MGAT4C: variants seen among roughly 807,000 people sequenced by gnomAD.
MGAT4C encodes MGAT4 family member C, also known as alpha-1,3-mannosyl-glycoprotein 4-beta-N-acetylglucosaminyltransferase C.
Under a neutral mutation model 40.1 loss-of-function variants are expected in MGAT4C, and 19 were observed. That is an observed-to-expected ratio of 0.47 (90% CI 0.33 to 0.70). MGAT4C has a LOEUF of 0.70. MGAT4C is among the 30% of genes least tolerant of loss of function. MGAT4C has a pLI of 0.02. For missense variants in MGAT4C, 491 were observed against 563.2 expected (o/e 0.87, Z 1.30); for synonymous variants, 181 against 187.1 (o/e 0.97, Z 0.27).
chr12:86,827,770 T>C (rs1435988898), intron 1 of MGAT4C, among the ~76,000 whole-genome samples: 1 of 151,468 alleles, frequency 6.6e-6, no homozygotes, highest in Non-Finnish European at 1.5e-5. Context: ...TTTTGCTTTA[T>C]ACACAACTTG....
At chr12:86,352,752 G>T (rs1053773037) in intron 3 of MGAT4C, among the ~76,000 whole-genome samples, 10 of 151,012 alleles carry the variant, frequency 6.6e-5, no homozygotes, top group African/African-American at 2.4e-4. Flanking sequence ...ATATTAATTT[G>T]TTAATAAATC....
chr12:86,700,480 C>T (rs578084687), intron 2 of MGAT4C, among the ~76,000 whole-genome samples: 1 of 152,052 alleles, frequency 6.6e-6, no homozygotes, highest in South Asian at 2.1e-4. Flanking sequence ...TTTTTACAGC[C>T]TTGTGATTGT....
chr12:86,752,932 C>T (rs983100344), intron 1 of MGAT4C, among the ~76,000 whole-genome samples: 3 of 152,020 alleles, frequency 2.0e-5, no homozygotes, highest in Non-Finnish European at 4.4e-5. Flanking sequence ...AAATGTCAAA[C>T]CTGAAACAAT....
chr12:86,137,176 CCTTTCTTAACT>C (rs1327026562), intron 1 of MGAT4C, among the ~76,000 whole-genome samples: 7 of 152,162 alleles, frequency 4.6e-5, no homozygotes, highest in African/African-American at 1.7e-4. Context: ...CATTCATATT[CCTTTCTTAACT>C]CTGTAACCAC....
chr12:85,960,542 C>A lies in MGAT4C; in HGVS notation c.*18747G>T, dbSNP rs1022084183. 7 of 151,844 alleles carry A rather than the reference C, an allele frequency of 4.6e-5. No individual in the cohort carries two copies. The allele number at this position is 151,844 out of a possible 1,614,324, so 9.4% of individuals were successfully genotyped here. A position where few individuals can be genotyped will look rare whatever the true frequency, so the allele number is the denominator to read the frequency against. On this transcript the variant is annotated 3_prime_UTR_variant, in exon 5 of 5. Coordinates refer to ENST00000611864, the MANE Select transcript of MGAT4C (RefSeq NM_001351288.2). ...AATTAATCCTTCATTCTTTTTTTCT[C>A]CCCTTACTCCTTTGATTTTCAGACT...
At chr12:86,763,259 T>C (rs569348953) in intron 1 of MGAT4C, among the ~76,000 whole-genome samples, 1 of 152,230 alleles carries the variant, frequency 6.6e-6, no homozygotes, top group African/African-American at 2.4e-5. Flanking sequence ...ATTATGAATC[T>C]ATTCTGCTAT....
chr12:86,247,047 T>C (rs1952067554), intron 1 of MGAT4C, among the ~76,000 whole-genome samples: 2 of 152,156 alleles, frequency 1.3e-5, no homozygotes, highest in African/African-American at 4.8e-5. Context: ...CTATGATGAG[T>C]CTGTATCTCT....
At chr12:86,631,027 C>T (rs938455500) in intron 2 of MGAT4C, among the ~76,000 whole-genome samples, 3 of 152,148 alleles carry the variant, frequency 2.0e-5, no homozygotes, top group African/African-American at 7.2e-5. Context: ...CCCAAAATCT[C>T]CTTAAGCTGA....
intron 4 of MGAT4C, among the ~76,000 whole-genome samples, chr12:86,325,327 A>G (rs1954500269): frequency 6.6e-6 from 1 of 152,172 alleles, no homozygotes; most frequent in Non-Finnish European, 1.5e-5. Flanking sequence ...ATATTCCAGC[A>G]GCATATCAAA....
At chr12:86,048,589 A>G (rs1220139064) in intron 2 of MGAT4C, among the ~76,000 whole-genome samples, 1 of 152,126 alleles carries the variant, frequency 6.6e-6, no homozygotes, top group African/African-American at 2.4e-5. Flanking sequence ...TAATGAAATG[A>G]TGTGAAAAAA....
In MGAT4C at chr12:86,221,066, C is replaced by T. The variant is rs138403362; in HGVS notation, c.-57+35173G>A. On this transcript the variant is annotated intron_variant, in intron 1 of 4. Coordinates refer to ENST00000611864, the MANE Select transcript of MGAT4C (RefSeq NM_001351288.2). ...GGGGGAATGTGTGTGCTAGTTAACA[C>T]CTCGTGCTAGACTTGGATAAATAAA... Among the ~76,000 whole-genome samples, 1,454 of 152,232 alleles carry T rather than the reference C, an allele frequency of 9.6e-3. 21 individuals are homozygous for T. The highest frequency in any genetic ancestry group is 0.033 in the African/African-American group (1,369 of 41,530).
intron 2 of MGAT4C, among the ~76,000 whole-genome samples, chr12:86,443,498 C>G (rs976689912): frequency 1.3e-5 from 2 of 152,148 alleles, no homozygotes; most frequent in African/African-American, 4.8e-5. Flanking sequence ...GATGGAATAG[C>G]CTTAAACTTC....
At chr12:86,374,232 T>C (rs960327337) in intron 3 of MGAT4C, among the ~76,000 whole-genome samples, 1 of 152,042 alleles carries the variant, frequency 6.6e-6, no homozygotes, top group Admixed American at 6.6e-5. Context: ...GGATTACAGA[T>C]TATTTAAGTT....
At position 86,698,155 on chromosome 12, in the gene MGAT4C, G is replaced by A. The variant is rs184558798; in HGVS notation, c.-229+29054C>T. On this transcript the variant is annotated intron_variant, in intron 2 of 7. Coordinates refer to the MGAT4C transcript ENST00000548651. ...GAAATACTTGCAACACATATGACAA[G>A]AGACTCAATACTTTAAATGAGGATA... is the stretch of plus-strand genomic sequence containing the variant. Among the ~76,000 whole-genome samples, 466 of 151,832 alleles carry A rather than the reference G, an allele frequency of 3.1e-3. 2 individuals carry two copies. Among genetic ancestry groups the A allele is most frequent in the Middle Eastern group, 0.014 (4 of 294 alleles).
intron 3 of MGAT4C, among the ~76,000 whole-genome samples, chr12:86,433,243 G>GA (rs547708435): frequency 7.3e-5 from 11 of 150,870 alleles, no homozygotes; most frequent in Admixed American, 5.3e-4. Context: ...ACAATGAAAG[G>GA]AAAAAAACAC....
intron 1 of MGAT4C, among the ~76,000 whole-genome samples, chr12:86,226,134 T>A (rs964005825): frequency 7.3e-5 from 11 of 151,306 alleles, no homozygotes; most frequent in African/African-American, 2.7e-4. Flanking sequence ...AAAAAACATG[T>A]GCAGTTGCTG....
intron 4 of MGAT4C, among the ~76,000 whole-genome samples, chr12:86,293,604 T>C (rs1320133011): frequency 6.6e-6 from 1 of 152,176 alleles, no homozygotes; most frequent in African/African-American, 2.4e-5. Context: ...GTCTCCTTTA[T>C]GACTTATAAC....
At chr12:86,342,742 G>T (rs560973469) in intron 3 of MGAT4C, among the ~76,000 whole-genome samples, 6 of 151,424 alleles carry the variant, frequency 4.0e-5, no homozygotes, top group African/African-American at 4.8e-5. Flanking sequence ...CCCAGCCATG[G>T]TTTTTTTTTA....
chr12:86,130,527 A>G (rs1388323180), intron 1 of MGAT4C, among the ~76,000 whole-genome samples: 5 of 152,124 alleles, frequency 3.3e-5, no homozygotes, highest in Non-Finnish European at 7.4e-5. Flanking sequence ...TGACTTGAAC[A>G]TGATATCTGA....
Sources: allele counts gnomAD v4.1 joint callset (sites outside exome capture counted in the v4.1 genomes callset), GRCh38; gene constraint gnomAD v4.1.1; transcripts MANE v1.5; gene names NCBI Gene and HGNC (gene_info 2026-07-23, HGNC 2026-07-21).